PRKG1: variants seen among roughly 807,000 people sequenced by gnomAD.
PRKG1 encodes protein kinase cGMP-dependent 1.
A neutral mutation model predicts 88.1 loss-of-function variants in PRKG1; 35 were observed. That is an observed-to-expected ratio of 0.40 (90% CI 0.30 to 0.53). The LOEUF is 0.53. Among genes scored for constraint, PRKG1 ranks in the 20% least tolerant of loss-of-function variants. The pLI is 0.59. For synonymous variants in PRKG1, 303 were observed against 292.5 expected (o/e 1.04, Z -0.37); for missense variants, 540 against 839.8 (o/e 0.64, Z 4.41).
intron 8 of PRKG1, among the ~76,000 whole-genome samples, chr10:52,147,390 T>C (rs1227329137): frequency 1.3e-5 from 2 of 152,174 alleles, no homozygotes; most frequent in Non-Finnish European, 2.9e-5. Context: ...TTTGTTTTAA[T>C]ACACTCATGT....
intron 9 of PRKG1, among the ~76,000 whole-genome samples, chr10:52,209,956 A>T (rs915574321): frequency 6.6e-6 from 1 of 152,218 alleles, no homozygotes; most frequent in African/African-American, 2.4e-5. Flanking sequence ...AAATCTGATG[A>T]TTGTACACAT....
intron 4 of PRKG1, among the ~76,000 whole-genome samples, chr10:51,827,843 A>T (rs1273393296): frequency 6.6e-6 from 1 of 152,162 alleles, no homozygotes; most frequent in Non-Finnish European, 1.5e-5. Context: ...GTTTAGGATT[A>T]TATTATCACT....
intron 3 of PRKG1, among the ~76,000 whole-genome samples, chr10:51,664,457 AC>A (rs1840374703): frequency 6.6e-6 from 1 of 152,096 alleles, no homozygotes; most frequent in African/African-American, 2.4e-5. Flanking sequence ...ATCACTTACT[AC>A]CCACTTGAAA....
intron 5 of PRKG1, among the ~76,000 whole-genome samples, chr10:52,032,728 CA>C (rs1187706843): frequency 6.6e-6 from 1 of 152,064 alleles, no homozygotes; most frequent in Non-Finnish European, 1.5e-5. Flanking sequence ...CACTTAAATG[CA>C]AATAAGTTAC....
intron 4 of PRKG1, among the ~76,000 whole-genome samples, chr10:51,811,469 C>T (rs941458521): frequency 8.6e-5 from 13 of 151,744 alleles, no homozygotes; most frequent in East Asian, 1.9e-4. Flanking sequence ...AAAGTGTAGT[C>T]GGGAGAGAAT....
intron 2 of PRKG1, among the ~76,000 whole-genome samples, chr10:51,300,627 AAC>A (rs1392426982): frequency 3.3e-5 from 5 of 152,258 alleles, no homozygotes; most frequent in Non-Finnish European, 5.9e-5. Context: ...GCCACAGTTA[AAC>A]ACAGTTCTCC....
intron 3 of PRKG1, among the ~76,000 whole-genome samples, chr10:51,524,057 G>T (rs1048121253): frequency 6.6e-6 from 1 of 152,048 alleles, no homozygotes; most frequent in Admixed American, 6.6e-5. Flanking sequence ...TTGTTTAGAA[G>T]TTTGTGGCAC....
rs1378979581 is a variant in PRKG1, at chr10:52,067,697, G to C, written c.935+5066G>C. Among the ~76,000 whole-genome samples the C allele has an allele frequency of 2.0e-5, 3 of 150,308 alleles. No individual in the cohort carries two copies. In the East Asian group the frequency reaches 5.8e-4, roughly 29 times the overall value. On this transcript the variant is annotated intron_variant, in intron 7 of 17. Coordinates refer to ENST00000373980, the MANE Select transcript of PRKG1 (RefSeq NM_006258.4). ...TAGTTGACATAAAGCAAATTGTGCAGTATTGTTTGGCTCAAGCATCTTTTT... is the reference window on the plus strand; with the variant it reads ...TAGTTGACATAAAGCAAATTGTGCACTATTGTTTGGCTCAAGCATCTTTTT...
At chr10:52,150,172 A>AT (rs201240910) in intron 8 of PRKG1, among the ~76,000 whole-genome samples, 4,518 of 143,266 alleles carry the variant, frequency 0.032, 219 homozygotes, top group African/African-American at 0.1. Context: ...AATAATAATA[A>AT]TAATAATAAT....
intron 4 of PRKG1, among the ~76,000 whole-genome samples, chr10:51,852,375 TAGAGAGAG>T (rs144635661): frequency 7.0e-6 from 1 of 143,872 alleles, no homozygotes; most frequent in Non-Finnish European, 1.5e-5. Context: ...CACACACACA[TAGAGAGAG>T]AGAGAGAGAG....
intron 1 of PRKG1, among the ~76,000 whole-genome samples, chr10:51,052,085 T>C (rs1046422552): frequency 2.0e-5 from 3 of 152,162 alleles, no homozygotes; most frequent in African/African-American, 4.8e-5. Context: ...ATATGAATTT[T>C]ATAGTACAAT....
chr10:51,164,080 G>A (rs1846453421), intron 2 of PRKG1, among the ~76,000 whole-genome samples: 1 of 152,180 alleles, frequency 6.6e-6, no homozygotes, highest in South Asian at 2.1e-4. Flanking sequence ...TCTGAGAACG[G>A]GCAGACTGCC....
chr10:51,802,308 C>T (rs1277795995), intron 3 of PRKG1, among the ~76,000 whole-genome samples: 1 of 152,150 alleles, frequency 6.6e-6, no homozygotes, highest in African/African-American at 2.4e-5. Context: ...GACAAATTTG[C>T]AATCTCATCA....
At chr10:51,481,218 T>A (rs1840348155) in intron 3 of PRKG1, among the ~76,000 whole-genome samples, 1 of 133,152 alleles carries the variant, frequency 7.5e-6, no homozygotes, top group African/African-American at 2.7e-5. Context: ...CTTTCGTTCC[T>A]TCCTTCCTTC....
chr10:51,824,561 A>C (rs1839836738), intron 4 of PRKG1, among the ~76,000 whole-genome samples: 1 of 152,202 alleles, frequency 6.6e-6, no homozygotes, highest in Admixed American at 6.5e-5. Flanking sequence ...ATAAAGGAAT[A>C]TTTGAGACTG....
intron 7 of PRKG1, among the ~76,000 whole-genome samples, chr10:52,131,518 A>G (rs1478124668): frequency 6.6e-6 from 1 of 152,006 alleles, no homozygotes; most frequent in African/African-American, 2.4e-5. Flanking sequence ...AAGCATGTTA[A>G]GAACTCGTGG....
intron 5 of PRKG1, among the ~76,000 whole-genome samples, chr10:52,043,395 A>G (rs1478286875): frequency 6.6e-6 from 1 of 152,136 alleles, no homozygotes; most frequent in African/African-American, 2.4e-5. Flanking sequence ...GCTCTAAAAA[A>G]TAAAATCCTG....
chr10:51,072,937 G>T (rs1843853648), upstream of PRKG1, among the ~76,000 whole-genome samples: 1 of 152,108 alleles, frequency 6.6e-6, no homozygotes, highest in Non-Finnish European at 1.5e-5. Flanking sequence ...GTTTAGAATT[G>T]CATTGCAATT....
At chr10:51,204,756 T>G (rs916292220) in intron 2 of PRKG1, among the ~76,000 whole-genome samples, 2 of 152,164 alleles carry the variant, frequency 1.3e-5, no homozygotes, top group African/African-American at 4.8e-5. Context: ...TAGAGTGTCA[T>G]CCATTGTCCT....
Sources: allele counts gnomAD v4.1 joint callset (sites outside exome capture counted in the v4.1 genomes callset), GRCh38; gene constraint gnomAD v4.1.1; transcripts MANE v1.5; gene names NCBI Gene and HGNC (gene_info 2026-07-23, HGNC 2026-07-21).